Variants in TJP2 observed in about 807,000 individuals in gnomAD.
TJP2 encodes the protein tight junction protein 2.
In TJP2, 91 loss-of-function variants were observed where a neutral mutation model predicts 133.1. The observed-to-expected ratio is 0.68, with a 90% CI of 0.58 to 0.81. The LOEUF is 0.81. TJP2 is among the 40% of genes least tolerant of loss of function. TJP2 has a pLI of 0.00. For synonymous variants in TJP2, 592 were observed against 583.4 expected, an observed-to-expected ratio of 1.01 and a Z score of -0.21; for missense variants, 1,541 against 1,565.6, an observed-to-expected ratio of 0.98 and a Z score of 0.26.
chr9:69,123,049 T>C (rs1032683657), intron 1 of TJP2, among the ~76,000 whole-genome samples: 1 of 152,188 alleles, frequency 6.6e-6, no homozygotes, highest in African/African-American at 2.4e-5. Flanking sequence ...CCCACCCAGA[T>C]CTGCTGAATC....
rs1466371184 is a variant in TJP2 at position 69,234,361 on chromosome 9, T to TCC, written c.1672-78_1672-77insCC. The TCC allele has an allele frequency of 3.1e-6, 4 of 1,271,380 alleles. No individual in the cohort carries two copies. The African/African-American group carries it at 6.2e-5, about 20-fold the overall frequency. The allele number at this position is 1,271,380 out of a possible 1,614,324, so 78.8% of individuals were successfully genotyped here. ...GGGTCAGTGGCATCTTACTATAAAC[T>TCC]TCTCTGTTTTTTCTTTCTTTCTTTC... On this transcript the variant is annotated intron_variant, in intron 11 of 22. Coordinates refer to ENST00000377245, the MANE Select transcript of TJP2 (RefSeq NM_004817.4).
intron 1 of TJP2, among the ~76,000 whole-genome samples, chr9:69,183,234 G>A (rs1564411441): frequency 6.6e-6 from 1 of 152,036 alleles, no homozygotes; most frequent in Non-Finnish European, 1.5e-5. Context: ...TCCAGAGGTA[G>A]GTGAATTTTT....
intron 1 of TJP2, among the ~76,000 whole-genome samples, chr9:69,194,700 C>T (rs563834114): frequency 2.6e-5 from 4 of 152,144 alleles, no homozygotes; most frequent in African/African-American, 7.2e-5. Flanking sequence ...TTATTTTCCC[C>T]GTCACCTCCC....
chr9:69,134,504 CACCTGGAGAGCTAGGAGGCGGAT>C (rs1350868278), intron 1 of TJP2, among the ~76,000 whole-genome samples: 1 of 152,110 alleles, frequency 6.6e-6, no homozygotes, highest in Non-Finnish European at 1.5e-5. Flanking sequence ...GTGGGGTGCA[CACCTGGAGAGCTAGGAGGCGGAT>C]AGTGAAGCAG....
At chr9:69,190,601 A>C (rs1020420722) in intron 1 of TJP2, among the ~76,000 whole-genome samples, 6 of 152,242 alleles carry the variant, frequency 3.9e-5, no homozygotes, top group Admixed American at 3.9e-4. Context: ...CTTGATGCTA[A>C]GGACAGACCT....
chr9:69,169,765 G>A (rs953442493), upstream of TJP2, among the ~76,000 whole-genome samples: 1 of 152,014 alleles, frequency 6.6e-6, no homozygotes, highest in African/African-American at 2.4e-5. Context: ...ACACAGATAT[G>A]TTTCTTAAGA....
chr9:69,220,474 T>TA (rs1195092032), intron 4 of TJP2, among the ~76,000 whole-genome samples: 1 of 152,374 alleles, frequency 6.6e-6, no homozygotes, highest in East Asian at 1.9e-4. Flanking sequence ...CATTAGGTCT[T>TA]ATTTCTTCTA....
chr9:69,214,355 G>A (rs1828184252), intron 2 of TJP2, among the ~76,000 whole-genome samples: 1 of 151,998 alleles, frequency 6.6e-6, no homozygotes, highest in African/African-American at 2.4e-5. Flanking sequence ...CGAAGTGCTG[G>A]GATTACAGGT....
At chr9:69,131,591 A>G (rs530160658) in intron 1 of TJP2, among the ~76,000 whole-genome samples, 2 of 152,334 alleles carry the variant, frequency 1.3e-5, no homozygotes, top group East Asian at 3.9e-4. Flanking sequence ...CTCTGTTATC[A>G]TTTGGGGCAT....
At chr9:69,122,548 G>T (rs1484454509) in intron 1 of TJP2, among the ~76,000 whole-genome samples, 1 of 152,230 alleles carries the variant, frequency 6.6e-6, no homozygotes, top group Non-Finnish European at 1.5e-5. Flanking sequence ...ACAGGGCGTT[G>T]TAAGTTTCCC....
chr9:69,229,238 A>G lies in TJP2; in HGVS notation c.1508A>G (p.Glu503Gly). Residue 503 changes from glutamate (E) to glycine (G), a missense_variant, in exon 10 of 23, where the codon GAA becomes GGA. Glu to Gly is a moderately conservative substitution (Grantham distance 98). Transcript: ENST00000377245. The part of the protein sequence containing the change: ...RTFLRPSPED[E>G]AIYGPNTKMV... Reference sequence around the variant, plus strand: ...TTTCTTCGTCCTAGTCCTGAAGATGAAGCAATATATGGGTATGTATTTCCG... The same window carrying G: ...TTTCTTCGTCCTAGTCCTGAAGATGGAGCAATATATGGGTATGTATTTCCG... The G allele has an allele frequency of 1.2e-6, 2 of 1,614,056 alleles. No homozygotes were observed. Among genetic ancestry groups the G allele is most frequent in the Non-Finnish European group, 1.7e-6 (2 of 1,179,962 alleles).
At chr9:69,166,414 T>C (rs1307315805) in intron 2 of TJP2, among the ~76,000 whole-genome samples, 1 of 151,618 alleles carries the variant, frequency 6.6e-6, no homozygotes, top group East Asian at 2.0e-4. Context: ...ATTTACTGTT[T>C]TTAAACAGTA....
At chr9:69,154,459 C>T (rs1453499276) in intron 2 of TJP2, among the ~76,000 whole-genome samples, 1 of 152,162 alleles carries the variant, frequency 6.6e-6, no homozygotes, top group Non-Finnish European at 1.5e-5. Context: ...TTGCCTGAGG[C>T]TGGATTTTTG....
chr9:69,253,625 G>C (rs1436556647), intron 22 of TJP2: 2 of 169,432 alleles, frequency 1.2e-5, no homozygotes, highest in Admixed American at 5.6e-5. Context: ...GCTAGTTTTT[G>C]TATTTTTAAT....
intron 2 of TJP2, among the ~76,000 whole-genome samples, chr9:69,157,820 G>A (rs1204918729): frequency 6.6e-6 from 1 of 152,116 alleles, no homozygotes; most frequent in East Asian, 1.9e-4. Flanking sequence ...AGAAATCAGA[G>A]TGTGTGCTTT....
chr9:69,121,429 C>T (rs1454220843), upstream of TJP2: 1 of 819,632 alleles, frequency 1.2e-6, no homozygotes, highest in Non-Finnish European at 1.5e-6. Context: ...CACCGCCCAA[C>T]TCCCCCTGCC....
At chr9:69,185,838 C>G (rs1248291928) in intron 1 of TJP2, among the ~76,000 whole-genome samples, 1 of 150,586 alleles carries the variant, frequency 6.6e-6, no homozygotes, top group Non-Finnish European at 1.5e-5. Context: ...AGTGTCTGTC[C>G]TATTATAAGT....
chr9:69,165,774 G>A (rs555030207), intron 2 of TJP2, among the ~76,000 whole-genome samples: 14 of 152,322 alleles, frequency 9.2e-5, no homozygotes, highest in Non-Finnish European at 1.8e-4. Context: ...GACCCAGGGT[G>A]TCCTGCCAGG....
At chr9:69,121,461 C>T (rs1339754542), upstream of TJP2, 3 of 586,806 alleles carry the variant, frequency 5.1e-6, no homozygotes, top group Non-Finnish European at 6.4e-6. Context: ...TTTTTTTTCC[C>T]CTTCTCTCAA....
Sources: gnomAD v4.1 joint callset for allele counts (sites outside exome capture counted in the v4.1 genomes callset) on GRCh38, gnomAD v4.1.1 for gene constraint, MANE v1.5 for transcripts, NCBI Gene and HGNC (gene_info 2026-07-23, HGNC 2026-07-21) for gene names.